WDHD1: variants seen among roughly 807,000 people sequenced by gnomAD.
The protein encoded by WDHD1 is WD repeat and HMG-box DNA-binding protein 1.
A neutral mutation model predicts 135.4 loss-of-function variants in WDHD1; 111 were observed. That is an observed-to-expected ratio of 0.82 (90% CI 0.70 to 0.96). WDHD1 has a LOEUF of 0.96. WDHD1 is among the 40% of genes least tolerant of loss of function. WDHD1 has a pLI of 0.00. For missense variants in WDHD1, 1,351 were observed against 1,336.3 expected (o/e 1.01, Z -0.17); for synonymous variants, 434 against 439.0 (o/e 0.99, Z 0.14).
At chr14:54,995,229 T>G (rs1222376453) in intron 11 of WDHD1, among the ~76,000 whole-genome samples, 1 of 152,078 alleles carries the variant, frequency 6.6e-6, no homozygotes, top group Non-Finnish European at 1.5e-5. Context: ...GATCTGCCCA[T>G]TTCAGCCTCC....
chr14:54,981,333 A>T (rs1308862091), intron 16 of WDHD1, among the ~76,000 whole-genome samples: 5 of 152,180 alleles, frequency 3.3e-5, no homozygotes, highest in African/African-American at 1.2e-4. Context: ...AGGTCATCCT[A>T]ATTATTTCTA....
chr14:54,962,964 T>A lies in WDHD1; in HGVS notation c.2519A>T (p.Lys840Met). Residue 840 changes from lysine to methionine, a missense_variant, in exon 19 of 26, where the codon AAG (lysine) becomes ATG (methionine). Physicochemically the swap from Lys to Met is moderately conservative, Grantham distance 95. This residue lies in a region of WDHD1 where 1,330 missense variants were observed against 1,296.1 expected (regional missense o/e 1.03). Coordinates refer to ENST00000360586, the MANE Select transcript of WDHD1 (RefSeq NM_007086.4). ...EEEEEEDFRKKLNAGYSNTAT... is the reference protein window; with the variant it reads ...EEEEEEDFRKMLNAGYSNTAT... ...AATTATTTCTTACCCAGCATTCAGCTTTTTTCTGAAATCTTCTTCTTCTTC... is the reference window on the plus strand; with the variant it reads ...AATTATTTCTTACCCAGCATTCAGCATTTTTCTGAAATCTTCTTCTTCTTC... 6.2e-7 allele frequency: 1 copy of A among 1,613,960 alleles called. No individual in the cohort carries two copies. Among genetic ancestry groups the A allele is most frequent in the Non-Finnish European group, 8.5e-7 (1 of 1,179,988 alleles).
chr14:55,015,101 G>A (rs2042237651), intron 2 of WDHD1, among the ~76,000 whole-genome samples: 1 of 152,134 alleles, frequency 6.6e-6, no homozygotes, highest in Non-Finnish European at 1.5e-5. Context: ...GATACTCCTG[G>A]TTTATGTGTC....
intron 2 of WDHD1, among the ~76,000 whole-genome samples, chr14:55,026,301 GT>G (rs1413770093): frequency 7.9e-5 from 12 of 151,830 alleles, no homozygotes; most frequent in African/African-American, 2.4e-5. Flanking sequence ...GGAAAAAATT[GT>G]TTTAAGCCGT....
At chr14:55,019,241 T>C (rs941484535) in intron 2 of WDHD1, among the ~76,000 whole-genome samples, 6 of 152,222 alleles carry the variant, frequency 3.9e-5, no homozygotes, top group African/African-American at 1.4e-4. Context: ...ATGATTATCT[T>C]ACATATGTTA....
intron 12 of WDHD1, among the ~76,000 whole-genome samples, chr14:54,990,685 A>G (rs1336554091): frequency 6.6e-6 from 1 of 152,176 alleles, no homozygotes; most frequent in Non-Finnish European, 1.5e-5. Flanking sequence ...TGTGCACTGT[A>G]TCATACCTTG....
intron 18 of WDHD1, 112 bp downstream of exon 18, chr14:54,966,363 A>C (rs2041344921): frequency 2.3e-6 from 3 of 1,325,878 alleles, no homozygotes; most frequent in South Asian, 1.8e-5. Context: ...AACAAAAAAA[A>C]ACTTAAGAAT....
chr14:54,986,427 C>G (rs1317878708), intron 14 of WDHD1, among the ~76,000 whole-genome samples: 1 of 152,134 alleles, frequency 6.6e-6, no homozygotes, highest in Non-Finnish European at 1.5e-5. Context: ...CTCGGCCTCC[C>G]AAAGTGCTGA....
At position 55,026,735 on chromosome 14, in the gene WDHD1, T is replaced by C; in HGVS notation, c.53A>G (p.Glu18Gly). 1 of 1,614,232 alleles carries C rather than the reference T, an allele frequency of 6.2e-7. No individual in the cohort carries two copies. Among genetic ancestry groups the C allele is most frequent in the Non-Finnish European group, 8.5e-7 (1 of 1,180,038 alleles). Reference protein sequence around the residue: ...MRYGHTEGHTEVCFDDSGSFI... With the variant: ...MRYGHTEGHTGVCFDDSGSFI... Reference sequence around the variant, plus strand: ...CCTCCCAGAATCATCAAAACAGACCTCCGTGTGTCCCTCTGTATGCCCATA... The same window carrying C: ...CCTCCCAGAATCATCAAAACAGACCCCCGTGTGTCCCTCTGTATGCCCATA... The change falls in exon 2 of 26, where the codon GAG becomes GGG. Residue 18 changes from glutamate to glycine, a missense_variant. By Grantham distance (98) the Glu-to-Gly change is moderately conservative (BLOSUM62 -2). This residue lies in a region of WDHD1 where 21 missense variants were observed against 40.2 expected (regional missense o/e 0.52). Transcript: ENST00000360586.
chr14:54,958,111 G>A (rs2041190218), intron 21 of WDHD1, among the ~76,000 whole-genome samples: 1 of 149,306 alleles, frequency 6.7e-6, no homozygotes, highest in South Asian at 2.1e-4. Flanking sequence ...ATTTTCTCTC[G>A]CCTCCTCCAT....
chr14:54,955,723 A>T, intron 23 of WDHD1, 29 bp from the exon 24 acceptor site: 4 of 1,478,574 alleles, frequency 2.7e-6, no homozygotes, highest in Non-Finnish European at 3.6e-6. Context: ...ATACTGCAAT[A>T]ACATCTAGTA....
chr14:55,002,123 T>C lies in WDHD1; in HGVS notation c.663A>G (p.Gln221=), dbSNP rs1174733699. The change falls in exon 8 of 26, where the codon CAA becomes CAG. Residue 221 remains glutamine (Q), a synonymous_variant. Coordinates refer to ENST00000360586, the MANE Select transcript of WDHD1 (RefSeq NM_007086.4). The part of the protein sequence containing the change: ...KLYRRESWSH[Q]FDLSDNFISQ... ...AGATGAAATTATCTGAAAGATCAAA[T>C]TGATGACTCCAAGATTCTCTTCTAT... 3.1e-6 allele frequency: 5 copies of C among 1,607,220 alleles called. No individual in the cohort carries two copies. The highest frequency in any genetic ancestry group is 3.4e-6 in the Non-Finnish European group (4 of 1,178,124).
rs71410642 is a variant in WDHD1, at chr14:54,972,553, C to CAAAAAAAAAAAAAAAAAAAAAAAAAAAAA, written c.2064-5188_2064-5160dup. ...CCTGGGCAATAAAGCAAGACTGTCA[C>CAAAAAAAAAAAAAAAAAAAAAAAAAAAAA]AAAAAAAAAAAAAAAAAAAAAAAAA... On this transcript the variant is annotated intron_variant, in intron 16 of 25. Transcript: ENST00000360586. Among the ~76,000 whole-genome samples, 11 of 25,500 alleles carry CAAAAAAAAAAAAAAAAAAAAAAAAAAAAA rather than the reference C, an allele frequency of 4.3e-4. 2 individuals carry two copies. Among genetic ancestry groups the CAAAAAAAAAAAAAAAAAAAAAAAAAAAAA allele is most frequent in the Non-Finnish European group, 6.6e-4 (10 of 15,220 alleles). 16.7% of individuals were successfully genotyped at this position (25,500 alleles called of 152,430 possible). A position where few individuals can be genotyped will look rare whatever the true frequency, so the allele number is the denominator to read the frequency against.
intron 24 of WDHD1, among the ~76,000 whole-genome samples, chr14:54,955,273 C>CCATTAAA (rs1262039155): frequency 9.2e-5 from 14 of 151,946 alleles, no homozygotes; most frequent in Non-Finnish European, 1.5e-4. Flanking sequence ...CTATTTCTCC[C>CCATTAAA]CATTAAACTA....
Position 54,991,667 on chromosome 14 carries a change from T to C in WDHD1, c.1154-267A>G, listed in dbSNP as rs187560938. ...AACCACTACTCACTTGCAGTAAAAA[T>C]ATTAATTTTATTAAATCTTGACGCT... On this transcript the variant is annotated intron_variant, in intron 11 of 25. Coordinates refer to ENST00000360586, the MANE Select transcript of WDHD1 (RefSeq NM_007086.4). Among the ~76,000 whole-genome samples the C allele has an allele frequency of 7.9e-5, 12 of 152,304 alleles. No individual in the cohort carries two copies. In the East Asian group the frequency reaches 2.3e-3, roughly 29 times the overall value.
At chr14:54,954,983 C>T (rs945108654) in intron 24 of WDHD1, among the ~76,000 whole-genome samples, 8 of 152,180 alleles carry the variant, frequency 5.3e-5, no homozygotes, top group Admixed American at 5.2e-4. Flanking sequence ...CCTGCTTCGG[C>T]TTCCCAAAGT....
chr14:54,947,276 T>G (rs562030550), intron 24 of WDHD1, among the ~76,000 whole-genome samples: 2 of 152,244 alleles, frequency 1.3e-5, no homozygotes, highest in Non-Finnish European at 2.9e-5. Context: ...AGGCAGAGGT[T>G]GCAGTGAGCC....
At chr14:54,941,756 T>G in intron 25 of WDHD1, 66 bp from the exon 26 acceptor site, 6 of 1,358,870 alleles carry the variant, frequency 4.4e-6, no homozygotes, top group Non-Finnish European at 6.1e-6. Flanking sequence ...AGTAAATGAT[T>G]TATTTACTTT....
At chr14:54,993,472 G>C (rs1489025504) in intron 11 of WDHD1, among the ~76,000 whole-genome samples, 1 of 152,138 alleles carries the variant, frequency 6.6e-6, no homozygotes, top group East Asian at 1.9e-4. Flanking sequence ...GAAGTTTTCA[G>C]ATTACACTTT....
Sources: gnomAD v4.1 joint callset for allele counts (sites outside exome capture counted in the v4.1 genomes callset) on GRCh38, gnomAD v4.1.1 for gene constraint, gnomAD v4.1.1 regional missense constraint, MANE v1.5 for transcripts, NCBI Gene and HGNC (gene_info 2026-07-23, HGNC 2026-07-21) for gene names.